CCND3: variants seen among roughly 807,000 people sequenced by gnomAD.
The protein encoded by CCND3 is cyclin D3, also known as G1/S-specific cyclin-D3.
A neutral mutation model predicts 28.7 loss-of-function variants in CCND3; 9 were observed. The ratio of observed to expected loss-of-function variants is 0.31; its 90% confidence interval spans 0.19 to 0.55. CCND3 has a LOEUF of 0.55. Among genes scored for constraint, CCND3 ranks in the 20% least tolerant of loss-of-function variants. CCND3 has a pLI of 0.93. For missense variants in CCND3, 315 were observed against 385.8 expected, an observed-to-expected ratio of 0.82 and a Z score of 1.54; for synonymous variants, 164 against 163.9, an observed-to-expected ratio of 1.00 and a Z score of 0.00.
At chr6:41,989,014 A>T (rs375614940) in intron 1 of CCND3, among the ~76,000 whole-genome samples, 21 of 152,010 alleles carry the variant, frequency 1.4e-4, no homozygotes, top group African/African-American at 4.6e-4. Context: ...GCTGAACTTC[A>T]TTAAAATTTA....
At position 41,940,351 on chromosome 6, in the gene CCND3, G is replaced by A; in HGVS notation, c.414+19C>T. Reference sequence around the variant, plus strand: ...GGGGAGACAATACGTGTCGGGGGTGGGGGGAGTTACACACGCACCCGCAAC... The same window carrying A: ...GGGGAGACAATACGTGTCGGGGGTGAGGGGAGTTACACACGCACCCGCAAC... On this transcript the variant is annotated intron_variant, in intron 2 of 4. Transcript: ENST00000372991. The A allele has an allele frequency of 1.9e-6, 3 of 1,593,196 alleles. No individual in the cohort carries two copies. The highest frequency in any genetic ancestry group is 2.6e-6 in the Non-Finnish European group (3 of 1,161,124).
chr6:42,043,347 C>T (rs1419242930), intron 1 of CCND3, among the ~76,000 whole-genome samples: 1 of 152,178 alleles, frequency 6.6e-6, no homozygotes, highest in Admixed American at 6.5e-5. Context: ...ACCATCCTGG[C>T]CAACATGGTG....
At chr6:41,937,509 C>T in intron 2 of CCND3, 115 bp from the exon 3 acceptor site, 1 of 1,227,546 alleles carries the variant, frequency 8.1e-7, no homozygotes, top group Non-Finnish European at 1.1e-6. Context: ...AAGCCCAAGA[C>T]CCCAGTTCTG....
intron 1 of CCND3, among the ~76,000 whole-genome samples, chr6:42,017,489 G>C (rs1347008151): frequency 6.6e-6 from 1 of 152,188 alleles, no homozygotes; most frequent in East Asian, 1.9e-4. Flanking sequence ...AAAATGTCTT[G>C]TCTCCACAAA....
chr6:42,029,676 G>A, intron 1 of CCND3, among the ~76,000 whole-genome samples: 1 of 151,748 alleles, frequency 6.6e-6, no homozygotes, highest in East Asian at 1.9e-4. Flanking sequence ...CATCTGTACT[G>A]AAAATACAAA....
intron 1 of CCND3, among the ~76,000 whole-genome samples, chr6:42,029,415 T>G (rs1293179465): frequency 6.6e-6 from 1 of 152,112 alleles, no homozygotes; most frequent in Non-Finnish European, 1.5e-5. Flanking sequence ...ACCTGTCCAG[T>G]AGTTTGTTAA....
chr6:41,997,558 C>T (rs1762845607), intron 1 of CCND3, among the ~76,000 whole-genome samples: 1 of 152,030 alleles, frequency 6.6e-6, no homozygotes, highest in Non-Finnish European at 1.5e-5. Context: ...ATAAATTTTA[C>T]CTACTTTACC....
intron 1 of CCND3, among the ~76,000 whole-genome samples, chr6:41,996,075 T>C (rs1762790960): frequency 6.7e-6 from 1 of 148,546 alleles, no homozygotes; most frequent in Non-Finnish European, 1.5e-5. Context: ...CTATTATTTG[T>C]AGAGTTTCTA....
chr6:41,990,586 A>G (rs1762615608), intron 1 of CCND3, among the ~76,000 whole-genome samples: 1 of 151,900 alleles, frequency 6.6e-6, no homozygotes, highest in Non-Finnish European at 1.5e-5. Flanking sequence ...TGGTAGTGAC[A>G]TAAAAATAGA....
intron 1 of CCND3, among the ~76,000 whole-genome samples, chr6:42,028,975 T>TTTG (rs200119911): frequency 0.018 from 2,711 of 151,050 alleles, 83 homozygotes; most frequent in African/African-American, 0.062. Context: ...GAAACGGTTT[T>TTTG]TTTTTTTTTT....
rs61494473 is a variant in CCND3 at position 42,003,525 on chromosome 6, CAAAAAAAAAAAAAAAAAAAA to C, written c.-46+44956_-46+44975del. Reference sequence around the variant, plus strand: ...GGGCAACCAGAGTGAGACTCTGTCTCAAAAAAAAAAAAAAAAAAAAAAAAAAAAAAAAAAAAAGAACAGCA... The same window carrying C: ...GGGCAACCAGAGTGAGACTCTGTCTCAAAAAAAAAAAAAAAAAGAACAGCA... On this transcript the variant is annotated intron_variant, in intron 1 of 4. Transcript: ENST00000372988. Among the ~76,000 whole-genome samples, 32 of 73,504 alleles carry C rather than the reference CAAAAAAAAAAAAAAAAAAAA, an allele frequency of 4.4e-4. 1 individual carries two copies. Among genetic ancestry groups the C allele is most frequent in the East Asian group, 7.8e-4 (2 of 2,554 alleles). The allele number at this position is 73,504 out of a possible 152,430, so 48.2% of individuals were successfully genotyped here.
chr6:41,950,435 T>C (rs1776274396), intron 1 of CCND3, among the ~76,000 whole-genome samples: 1 of 152,182 alleles, frequency 6.6e-6, no homozygotes, highest in Non-Finnish European at 1.5e-5. Flanking sequence ...GCTGTGTGAT[T>C]GTGTGATCCT....
intron 1 of CCND3, among the ~76,000 whole-genome samples, chr6:41,954,551 CA>C (rs34116961): frequency 0.69 from 84,249 of 122,664 alleles, 27,474 homozygotes; most frequent in Middle Eastern, 0.81. Context: ...GACTCTGTCT[CA>C]AAAAAAAAAA....
At chr6:41,942,610 C>A (rs3218083), upstream of CCND3, among the ~76,000 whole-genome samples, 14 of 152,152 alleles carry the variant, frequency 9.2e-5, no homozygotes, top group Admixed American at 3.9e-4. Context: ...TTTGGAGAAA[C>A]TGTGGACGGA....
Position 41,986,822 on chromosome 6 carries a change from G to C in CCND3, c.-45-46237C>G, listed in dbSNP as rs1288541740. Among the ~76,000 whole-genome samples, 16 of 151,936 alleles carry C rather than the reference G, an allele frequency of 1.1e-4. No homozygotes were observed. In the Admixed American group the frequency reaches 1.1e-3, roughly 10 times the overall value. On this transcript the variant is annotated intron_variant, in intron 1 of 4. Transcript: ENST00000372988. The stretch of plus-strand genomic sequence containing the variant: ...TATTGAATAGAAGTGGTGAGAATGG[G>C]CATCCTTGTCTTGTTCCTTGTCACG...
intron 1 of CCND3, among the ~76,000 whole-genome samples, chr6:42,008,168 G>A (rs143652290): frequency 0.018 from 2,681 of 152,158 alleles, 53 homozygotes; most frequent in South Asian, 0.071. Flanking sequence ...ATCACCTCAG[G>A]TCAGGGGTTC....
intron 1 of CCND3, among the ~76,000 whole-genome samples, chr6:41,981,714 G>A (rs1424629123): frequency 1.3e-5 from 2 of 151,742 alleles, no homozygotes; most frequent in African/African-American, 4.8e-5. Context: ...AGTAGAGATG[G>A]GGTTTCACCA....
chr6:41,956,955 C>A (rs548934197), intron 1 of CCND3, among the ~76,000 whole-genome samples: 1 of 152,090 alleles, frequency 6.6e-6, no homozygotes, highest in Admixed American at 6.6e-5. Flanking sequence ...GGCATGAACC[C>A]GGGAGGCGGA....
At chr6:42,032,071 G>A (rs12199246) in intron 1 of CCND3, among the ~76,000 whole-genome samples, 10,605 of 151,892 alleles carry the variant, frequency 0.07, 577 homozygotes, top group East Asian at 0.23. Flanking sequence ...GATTACAGGC[G>A]TGAGTCGCTG....
Sources: gnomAD v4.1 joint callset for allele counts (sites outside exome capture counted in the v4.1 genomes callset) on GRCh38, gnomAD v4.1.1 for gene constraint, MANE v1.5 for transcripts, NCBI Gene and HGNC (gene_info 2026-07-23, HGNC 2026-07-21) for gene names.